The following F11 variants were observed in gnomAD, a reference collection of about 807,000 sequenced individuals.
F11 encodes the protein coagualtion factor XI.
A neutral mutation model predicts 76.5 loss-of-function variants in F11; 78 were observed. That is an observed-to-expected ratio of 1.02 (90% confidence interval 0.85 to 1.23). F11 has a LOEUF of 1.23. Among genes scored for constraint, F11 ranks in the 50% most tolerant of loss-of-function variants. The pLI is 0.00. For synonymous variants in F11, 278 were observed against 276.3 expected, an observed-to-expected ratio of 1.01 and a Z score of -0.06; for missense variants, 742 against 771.4, an observed-to-expected ratio of 0.96 and a Z score of 0.45.
Position 186,289,422 on chromosome 4 carries a change from A to T in F11, c.*808A>T, listed in dbSNP as rs1027454052. On this transcript the variant is annotated 3_prime_UTR_variant, in exon 15 of 15. Transcript: ENST00000403665. ...CTGCTGCTGTGACTATGGGCTCCCA[A>T]AGAGCTAGATCGTATATTTATTTGA... Among the ~76,000 whole-genome samples the T allele has an allele frequency of 6.6e-6, 1 of 152,210 alleles. No homozygotes were observed. Among genetic ancestry groups the T allele is most frequent in the South Asian group, 2.1e-4 (1 of 4,828 alleles).
Position 186,273,091 on chromosome 4 carries a change from A to C in F11, c.239A>C (p.Asp80Ala). The C allele has an allele frequency of 6.2e-7, 1 of 1,612,276 alleles. No homozygotes were observed. The highest frequency in any genetic ancestry group is 1.1e-5 in the South Asian group (1 of 91,042). The change falls in exon 4 of 15, where the codon GAC (aspartate) becomes GCC (alanine). Residue 80 changes from aspartate (D) to alanine (A), a missense_variant. Asp to Ala is a moderately radical substitution (Grantham distance 126). Coordinates refer to ENST00000403665, the MANE Select transcript of F11 (RefSeq NM_000128.4). ...AACAGGTTTACTTGTGTCCTGAAAG[A>C]CAGTGTTACAGAAACACTGCCAAGA... Reference protein sequence around the residue: ...PTRWFTCVLKDSVTETLPRVN... With the variant: ...PTRWFTCVLKASVTETLPRVN...
chr4:186,269,726 A>T (rs979253337), intron 2 of F11, among the ~76,000 whole-genome samples: 2 of 152,240 alleles, frequency 1.3e-5, no homozygotes, highest in Non-Finnish European at 2.9e-5. Context: ...ACAGAACTGT[A>T]CACTCAAGAT....
At chr4:186,287,591 AATAT>A (rs377566180) in intron 13 of F11, 89 bp from the exon 14 acceptor site, 91 of 424,402 alleles carry the variant, frequency 2.1e-4, no homozygotes, top group East Asian at 1.1e-3. Flanking sequence ...CTCAATTAAA[AATAT>A]ATATATATAT....
chr4:186,270,649 GCACACACACA>G (rs10535096), intron 2 of F11, among the ~76,000 whole-genome samples: 1 of 150,456 alleles, frequency 6.6e-6, no homozygotes, highest in Non-Finnish European at 1.5e-5. Flanking sequence ...AGTGCATGAT[GCACACACACA>G]CACACACACA....
Position 186,286,407 on chromosome 4 carries a change from A to T in F11, c.1481-8A>T. ...TCTCATATTTAAACCACGATTTTTTAAATTTAGATTCTCAACGACCCATAT... is the reference window on the plus strand; with the variant it reads ...TCTCATATTTAAACCACGATTTTTTTAATTTAGATTCTCAACGACCCATAT... On this transcript the variant is annotated splice_polypyrimidine_tract_variant and splice_region_variant and intron_variant, in intron 12 of 14. Transcript: ENST00000403665. 6.2e-7 allele frequency: 1 copy of T among 1,612,778 alleles called. No homozygotes were observed. Among genetic ancestry groups the T allele is most frequent in the Non-Finnish European group, 8.5e-7 (1 of 1,178,870 alleles).
intron 13 of F11, chr4:186,287,476 C>T (rs950995139): frequency 2.3e-5 from 4 of 176,176 alleles, no homozygotes; most frequent in South Asian, 3.7e-4. Flanking sequence ...CCCAGCTACT[C>T]GGGAGGCTGA....
At chr4:186,278,046 G>A (rs913817430) in intron 7 of F11, among the ~76,000 whole-genome samples, 1 of 152,160 alleles carries the variant, frequency 6.6e-6, no homozygotes, top group Non-Finnish European at 1.5e-5. Context: ...CAATCCACCT[G>A]CCTTGGTCTC....
At chr4:186,268,931 C>A (rs1392944726) in intron 2 of F11, among the ~76,000 whole-genome samples, 1 of 152,060 alleles carries the variant, frequency 6.6e-6, no homozygotes, top group Non-Finnish European at 1.5e-5. Context: ...AAGAAGAAAT[C>A]GCAGAAATTA....
At chr4:186,283,799 C>A (rs1309548958) in intron 10 of F11, among the ~76,000 whole-genome samples, 2 of 152,178 alleles carry the variant, frequency 1.3e-5, no homozygotes, top group African/African-American at 2.4e-5. Flanking sequence ...CACTTGACAA[C>A]CACTGGTTTA....
chr4:186,285,711 T>C lies in F11; in HGVS notation c.1378T>C (p.Phe460Leu). 6.2e-7 allele frequency: 1 copy of C among 1,614,136 alleles called. No homozygotes were observed. The highest frequency in any genetic ancestry group is 8.5e-7 in the Non-Finnish European group (1 of 1,179,980). Residue 460 changes from phenylalanine (F) to leucine (L), a missense_variant, in exon 12 of 15, where the codon TTC becomes CTC. Coordinates refer to ENST00000403665, the MANE Select transcript of F11 (RefSeq NM_000128.4). ...NQSEIKEDTS[F>L]FGVQEIIIHD... ...ATCTGAAATAAAAGAGGACACATCT[T>C]TCTTTGGGGTTCAAGAAATAATAAT...
Position 186,276,283 on chromosome 4 carries a change from C to T in F11, c.648C>T (p.Asp216=). 1 of 1,614,094 alleles carries T rather than the reference C, an allele frequency of 6.2e-7. No homozygotes were observed. Among genetic ancestry groups the T allele is most frequent in the Non-Finnish European group, 8.5e-7 (1 of 1,180,020 alleles). The change falls in exon 7 of 15, where the codon GAC becomes GAT. Residue 216 remains aspartate, a synonymous_variant. Transcript: ENST00000403665. The part of the protein sequence containing the change: ...PNTVFADSNI[D]SVMAPDAFVC... ...CGGTGTTTGCAGACAGCAACATCGA[C>T]AGTGTCATGGCTCCCGATGCTTTTG...
rs1561483374 is a variant in F11 at position 186,275,780 on chromosome 4, T to TA, written c.486-6dup. On this transcript the variant is annotated splice_polypyrimidine_tract_variant and splice_region_variant and intron_variant, in intron 5 of 14. Coordinates refer to ENST00000403665, the MANE Select transcript of F11 (RefSeq NM_000128.4). The stretch of plus-strand genomic sequence containing the variant: ...ATAAGACACTTTTCCTTTTTCTTTT[T>TA]ATTCAGTAACATTTGTCTACTGAAG... 6.2e-7 allele frequency: 1 copy of TA among 1,600,038 alleles called. No individual in the cohort carries two copies. The highest frequency in any genetic ancestry group is 8.6e-7 in the Non-Finnish European group (1 of 1,168,312).
intron 3 of F11, 71 bp from the exon 4 acceptor site, chr4:186,273,000 C>A: frequency 9.7e-7 from 1 of 1,030,184 alleles, no homozygotes; most frequent in Non-Finnish European, 1.5e-6. Flanking sequence ...TTTCTGTGTG[C>A]TGACTTTTAA....
rs1314832245 is a variant in F11, at chr4:186,287,693, A to T, written c.1586A>T (p.Gln529Leu). 1 of 1,611,942 alleles carries T rather than the reference A, an allele frequency of 6.2e-7. No individual in the cohort carries two copies. The highest frequency in any genetic ancestry group is 8.5e-7 in the Non-Finnish European group (1 of 1,178,804). The change falls in exon 14 of 15, where the codon CAA becomes CTA. Residue 529 changes from glutamine to leucine, a missense_variant. Physicochemically the swap from Gln to Leu is moderately radical, Grantham distance 113 (BLOSUM62 -2). Coordinates refer to ENST00000403665, the MANE Select transcript of F11 (RefSeq NM_000128.4). Reference sequence around the variant, plus strand: ...AAAAAATTTTTTTCAGACAAAATACAAAATACTCTCCAGAAAGCCAAGATA... The same window carrying T: ...AAAAAATTTTTTTCAGACAAAATACTAAATACTCTCCAGAAAGCCAAGATA... Reference protein sequence around the residue: ...WGYRKLRDKIQNTLQKAKIPL... With the variant: ...WGYRKLRDKILNTLQKAKIPL...
chr4:186,284,300 C>A, intron 11 of F11, 40 bp downstream of exon 11: 1 of 1,494,122 alleles, frequency 6.7e-7, no homozygotes, highest in Non-Finnish European at 9.3e-7. Context: ...ATCTTCTTCA[C>A]ACATTTATAA....
chr4:186,280,858 T>TTC (rs1450337947), intron 10 of F11, among the ~76,000 whole-genome samples: 1 of 20,682 alleles, frequency 4.8e-5, no homozygotes, highest in Middle Eastern at 0.016. Context: ...CTTTCTTTCT[T>TTC]TTTTTTTTTT....
downstream of F11, among the ~76,000 whole-genome samples, chr4:186,290,089 A>T (rs2126794996): frequency 6.6e-6 from 1 of 152,334 alleles, no homozygotes; most frequent in East Asian, 1.9e-4. Flanking sequence ...TACTCTAGTT[A>T]ACATGAGCAA....
At chr4:186,278,501 T>G (rs1373845020) in intron 7 of F11, among the ~76,000 whole-genome samples, 1 of 151,798 alleles carries the variant, frequency 6.6e-6, no homozygotes, top group Non-Finnish European at 1.5e-5. Context: ...TGGACCAGAG[T>G]GGAGATGAGA....
At chr4:186,285,026 G>A (rs3822058) in intron 11 of F11, among the ~76,000 whole-genome samples, 60,219 of 151,952 alleles carry the variant, frequency 0.4, 12,599 homozygotes, top group Middle Eastern at 0.54. Context: ...CACTTTCAGC[G>A]TTGGCCAAAC....
Sources: allele counts gnomAD v4.1 joint callset (sites outside exome capture counted in the v4.1 genomes callset), GRCh38; gene constraint gnomAD v4.1.1; transcripts MANE v1.5; gene names NCBI Gene and HGNC (gene_info 2026-07-23, HGNC 2026-07-21).